The following PRKDC variants were observed in gnomAD, a reference collection of about 807,000 sequenced individuals.
PRKDC encodes protein kinase, DNA-activated, catalytic subunit, also known as DNA-dependent protein kinase catalytic subunit.
PRKDC carries 82 observed loss-of-function variants against 486.9 expected under a neutral mutation model. The ratio of observed to expected loss-of-function variants is 0.17; its 90% confidence interval spans 0.14 to 0.20. PRKDC has a LOEUF of 0.20. PRKDC is among the 10% of genes least tolerant of loss of function. The pLI is 1.00. For missense variants in PRKDC, 4,504 were observed against 5,038.2 expected, an observed-to-expected ratio of 0.89 and a Z score of 3.21; for synonymous variants, 1,895 against 1,837.0, an observed-to-expected ratio of 1.03 and a Z score of -0.81.
intron 5 of PRKDC, 95 bp downstream of exon 5, chr8:47,954,243 T>A: frequency 1.8e-6 from 1 of 560,664 alleles, no homozygotes; most frequent in East Asian, 3.3e-5. Context: ...GACTGTAAAA[T>A]AAGACCTTGG....
intron 34 of PRKDC, 71 bp from the exon 35 acceptor site, chr8:47,887,776 C>T: frequency 6.9e-7 from 1 of 1,457,096 alleles, no homozygotes; most frequent in Non-Finnish European, 9.1e-7. Context: ...TCACTCCTCT[C>T]ATTAAATAAA....
At chr8:47,913,758 A>T in intron 24 of PRKDC, 143 bp downstream of exon 24, 2 of 758,424 alleles carry the variant, frequency 2.6e-6, no homozygotes, top group Non-Finnish European at 3.8e-6. Context: ...TCTAATAAGT[A>T]AGTAGTTTTC....
chr8:47,838,923 C>G lies in PRKDC; in HGVS notation c.7553+225G>C, dbSNP rs544227776. Among the ~76,000 whole-genome samples the G allele has an allele frequency of 1.7e-4, 26 of 152,300 alleles. 2 individuals are homozygous for G. In the South Asian group the frequency reaches 5.2e-3, roughly 30 times the overall value. On this transcript the variant is annotated intron_variant, in intron 56 of 85. Coordinates refer to ENST00000314191, the MANE Select transcript of PRKDC (RefSeq NM_006904.7). ...CTGCCCTACCATACAGCATTTGGTC[C>G]ATATGACTTTTTCAAGAGTGTTATT...
chr8:47,852,830 G>T, intron 51 of PRKDC, 46 bp from the exon 52 acceptor site: 1 of 1,217,080 alleles, frequency 8.2e-7, no homozygotes, highest in Non-Finnish European at 1.2e-6. Context: ...AAACCATTCT[G>T]TTGTTCCACA....
intron 7 of PRKDC, among the ~76,000 whole-genome samples, chr8:47,948,151 A>T (rs2090568319): frequency 6.6e-6 from 1 of 151,604 alleles, no homozygotes; most frequent in Non-Finnish European, 1.5e-5. Context: ...TATATATATA[A>T]AAATTTTTTT....
Position 47,826,789 on chromosome 8 carries a change from G to A in PRKDC, c.8650C>T (p.Leu2884=), listed in dbSNP as rs1324785672. ...AGGCGGATGCCCACGGGCTGCTGTAGGCTGGCCAGGCAACCAGCGCTAACA... is the reference window on the plus strand; with the variant it reads ...AGGCGGATGCCCACGGGCTGCTGTAAGCTGGCCAGGCAACCAGCGCTAACA... The part of the protein sequence containing the change: ...AAVSAGCLAS[L]QQPVGIRLLE... Residue 2884 remains leucine (L), a synonymous_variant, in exon 63 of 86, where the codon CTA becomes TTA. Transcript: ENST00000314191. 4 of 1,609,844 alleles carry A rather than the reference G, an allele frequency of 2.5e-6. No homozygotes were observed. The highest frequency in any genetic ancestry group is 3.4e-6 in the Non-Finnish European group (4 of 1,178,284).
chr8:47,781,310 A>C (rs1284160316), intron 80 of PRKDC, among the ~76,000 whole-genome samples: 1 of 152,226 alleles, frequency 6.6e-6, no homozygotes, highest in East Asian at 1.9e-4. Flanking sequence ...TGGAACTAAA[A>C]GTTGGTGAAC....
chr8:47,775,213 A>AAATT lies in PRKDC; in HGVS notation c.12183-840_12183-837dup, dbSNP rs1328054082. On this transcript the variant is annotated intron_variant, in intron 85 of 85. Coordinates refer to ENST00000314191, the MANE Select transcript of PRKDC (RefSeq NM_006904.7). ...AAAATAAATAAATAAATAAATAAAT[A>AAATT]AATTAATTAATTAATAGCCATCCTA... is the stretch of plus-strand genomic sequence containing the variant. Among the ~76,000 whole-genome samples the AAATT allele has an allele frequency of 1.4e-3, 205 of 146,698 alleles. 1 individual carries two copies. The highest frequency in any genetic ancestry group is 4.2e-3 in the African/African-American group (160 of 38,232).
intron 61 of PRKDC, 116 bp downstream of exon 61, chr8:47,830,489 C>A: frequency 5.0e-6 from 7 of 1,410,196 alleles, no homozygotes; most frequent in Non-Finnish European, 6.7e-6. Flanking sequence ...TGAGGACAAA[C>A]CAACACCTCA....
At chr8:47,896,957 T>A (rs1248697974) in intron 30 of PRKDC, among the ~76,000 whole-genome samples, 2 of 151,116 alleles carry the variant, frequency 1.3e-5, no homozygotes, top group African/African-American at 4.8e-5. Context: ...TGATTTGAGA[T>A]CATTCAGACT....
chr8:47,943,721 C>T (rs2090483595), intron 9 of PRKDC, 132 bp downstream of exon 9: 2 of 840,408 alleles, frequency 2.4e-6, no homozygotes, highest in Non-Finnish European at 3.7e-6. Context: ...GAAAGCCTCC[C>T]TGTAAATAAC....
intron 40 of PRKDC, among the ~76,000 whole-genome samples, chr8:47,870,521 G>A (rs776909961): frequency 2.6e-5 from 4 of 152,178 alleles, no homozygotes; most frequent in East Asian, 3.9e-4. Flanking sequence ...GACTTAGGGT[G>A]GCCCCTAAAG....
chr8:47,937,192 C>T (rs1390538644), intron 11 of PRKDC, among the ~76,000 whole-genome samples: 6 of 151,890 alleles, frequency 4.0e-5, no homozygotes, highest in Admixed American at 3.9e-4. Context: ...ACCCAGGAAG[C>T]GGAGGTTGCG....
chr8:47,889,283 G>T, intron 32 of PRKDC, 61 bp from the exon 33 acceptor site: 1 of 1,424,440 alleles, frequency 7.0e-7, no homozygotes, highest in South Asian at 1.4e-5. Context: ...TCACCAAAGT[G>T]CAGGGCCCAC....
Position 47,956,977 on chromosome 8 carries a change from C to CAA in PRKDC, c.324+193_324+194insTT, listed in dbSNP as rs2090713226. On this transcript the variant is annotated intron_variant, in intron 3 of 85. Coordinates refer to ENST00000314191, the MANE Select transcript of PRKDC (RefSeq NM_006904.7). ...GGGCAACAAGAGCAAAACTCCTTCT[C>CAA]CAAAAAAAAAAAAAAAAAAAAAAAC... Among the ~76,000 whole-genome samples the CAA allele has an allele frequency of 2.7e-3, 30 of 11,250 alleles. 1 individual carries two copies. Among genetic ancestry groups the CAA allele is most frequent in the South Asian group, 4.8e-3 (1 of 210 alleles). The allele number at this position is 11,250 out of a possible 152,430, so 7.4% of individuals were successfully genotyped here.
At chr8:47,864,314 A>T (rs1216083879) in intron 41 of PRKDC, among the ~76,000 whole-genome samples, 1 of 152,156 alleles carries the variant, frequency 6.6e-6, no homozygotes, top group African/African-American at 2.4e-5. Flanking sequence ...CAACACTGTG[A>T]TGTCAGCCCA....
At chr8:47,893,884 C>T (rs150892896) in intron 30 of PRKDC, among the ~76,000 whole-genome samples, 4 of 152,116 alleles carry the variant, frequency 2.6e-5, no homozygotes, top group African/African-American at 4.8e-5. Flanking sequence ...AAGATAAATA[C>T]ATAAAACTGC....
intron 76 of PRKDC, among the ~76,000 whole-genome samples, chr8:47,787,070 T>G (rs1250988637): frequency 6.6e-6 from 1 of 152,142 alleles, no homozygotes; most frequent in African/African-American, 2.4e-5. Flanking sequence ...TACTCTACCT[T>G]AGAATATAGT....
At chr8:47,934,959 G>C in intron 14 of PRKDC, 50 bp downstream of exon 14, 1 of 1,373,630 alleles carries the variant, frequency 7.3e-7, no homozygotes, top group Admixed American at 2.5e-5. Context: ...AACATTCCTA[G>C]CTTTCAGTGA....
Sources: gnomAD v4.1 joint callset for allele counts (sites outside exome capture counted in the v4.1 genomes callset) on GRCh38, gnomAD v4.1.1 for gene constraint, MANE v1.5 for transcripts, NCBI Gene and HGNC (gene_info 2026-07-23, HGNC 2026-07-21) for gene names.